Variants in MARK1 observed in about 807,000 individuals in gnomAD.
MARK1 encodes microtubule affinity regulating kinase 1.
In MARK1, 40 loss-of-function variants were observed where a neutral mutation model predicts 96.3. The ratio of observed to expected loss-of-function variants is 0.42; its 90% CI spans 0.32 to 0.54. MARK1 has a LOEUF of 0.54. Among genes scored for constraint, MARK1 ranks in the 20% least tolerant of loss-of-function variants. The probability of loss-of-function intolerance (pLI) is 0.16; values close to 1 mark genes in which losing one functional copy is unlikely to be tolerated. For missense variants in MARK1, 719 were observed against 984.6 expected (o/e 0.73, Z 3.61); for synonymous variants, 317 against 341.2 (o/e 0.93, Z 0.78).
chr1:220,627,126 C>T, intron 9 of MARK1: 1 of 506,112 alleles, frequency 2.0e-6, no homozygotes, highest in Non-Finnish European at 4.0e-6. Flanking sequence ...AATGCTGCCC[C>T]ACAAACCTGG....
chr1:220,647,795 A>G (rs545886234), intron 13 of MARK1, among the ~76,000 whole-genome samples: 34 of 152,380 alleles, frequency 2.2e-4, no homozygotes, highest in African/African-American at 7.7e-4. Flanking sequence ...ATGCAGGAAC[A>G]GAAAACCAAC....
At chr1:220,628,796 G>A (rs945559111) in intron 9 of MARK1, among the ~76,000 whole-genome samples, 1 of 151,800 alleles carries the variant, frequency 6.6e-6, no homozygotes, top group Non-Finnish European at 1.5e-5. Flanking sequence ...ATTTAAAAAT[G>A]TATCATGTGG....
At chr1:220,633,208 A>G (rs1278352523) in intron 11 of MARK1, among the ~76,000 whole-genome samples, 1 of 152,200 alleles carries the variant, frequency 6.6e-6, no homozygotes, top group Non-Finnish European at 1.5e-5. Flanking sequence ...GGCCCACTCC[A>G]ACATTGGAGG....
chr1:220,597,447 A>G (rs538225878), intron 3 of MARK1, among the ~76,000 whole-genome samples: 17 of 152,112 alleles, frequency 1.1e-4, no homozygotes, highest in Non-Finnish European at 1.6e-4. Context: ...GTGAGGTGGT[A>G]CCTCTTTGTG....
At chr1:220,622,059 G>T (rs1667079034) in intron 9 of MARK1, among the ~76,000 whole-genome samples, 1 of 152,030 alleles carries the variant, frequency 6.6e-6, no homozygotes, top group African/African-American at 2.4e-5. Context: ...CTTTCTAATT[G>T]TACTAGTCTG....
intron 6 of MARK1, among the ~76,000 whole-genome samples, chr1:220,610,378 G>C (rs578025171): frequency 1.3e-5 from 2 of 152,056 alleles, no homozygotes; most frequent in African/African-American, 4.8e-5. Context: ...CGAAGTTCTC[G>C]CACCATGGTT....
At chr1:220,585,307 G>A (rs1002426258) in intron 3 of MARK1, among the ~76,000 whole-genome samples, 4 of 152,076 alleles carry the variant, frequency 2.6e-5, no homozygotes, top group African/African-American at 9.7e-5. Flanking sequence ...AAGAATTGGT[G>A]GGAAGTATAC....
At chr1:220,587,641 A>G (rs1258262309) in intron 3 of MARK1, among the ~76,000 whole-genome samples, 1 of 152,120 alleles carries the variant, frequency 6.6e-6, no homozygotes, top group Non-Finnish European at 1.5e-5. Context: ...AAGTGCTGGG[A>G]TTACAGGCAT....
intron 3 of MARK1, among the ~76,000 whole-genome samples, chr1:220,589,342 C>T (rs1664839244): frequency 6.6e-6 from 1 of 151,994 alleles, no homozygotes; most frequent in African/African-American, 2.4e-5. Flanking sequence ...AGAGTGCTAG[C>T]AGAGGAATGG....
Position 220,661,851 on chromosome 1 carries a change from G to A in MARK1, c.2073G>A (p.Glu691=), listed in dbSNP as rs934046819. The stretch of plus-strand genomic sequence containing the variant: ...AACCAAAAGAAAGAGACAAGGAAGA[G>A]GGTAAAGATTCTAAGCCGCGTTCTT... ...SGEPKERDKE[E]GKDSKPRSLR... Residue 691 remains glutamate, a synonymous_variant, in exon 18 of 18, where the codon GAG becomes GAA. Transcript: ENST00000366917. The A allele has an allele frequency of 3.1e-6, 5 of 1,613,630 alleles. No individual in the cohort carries two copies. The highest frequency in any genetic ancestry group is 4.2e-6 in the Non-Finnish European group (5 of 1,179,672).
At chr1:220,636,901 T>TAA (rs78112733) in intron 13 of MARK1, among the ~76,000 whole-genome samples, 1 of 133,648 alleles carries the variant, frequency 7.5e-6, no homozygotes, top group South Asian at 2.4e-4. Flanking sequence ...AGACTCCGTT[T>TAA]AAAAAAAAAA....
intron 9 of MARK1, among the ~76,000 whole-genome samples, chr1:220,628,850 G>A (rs1292685869): frequency 1.3e-5 from 2 of 151,648 alleles, no homozygotes; most frequent in Non-Finnish European, 2.9e-5. Context: ...ACTTTGGGAA[G>A]CCGAGGCAAG....
intron 1 of MARK1, among the ~76,000 whole-genome samples, chr1:220,552,857 C>CCATGCCG (rs1316571110): frequency 1.3e-5 from 2 of 152,190 alleles, no homozygotes; most frequent in Non-Finnish European, 2.9e-5. Context: ...CCACTCCACC[C>CCATGCCG]CCTGCCGCCT....
chr1:220,604,272 G>A, intron 6 of MARK1, 135 bp downstream of exon 6: 1 of 484,570 alleles, frequency 2.1e-6, no homozygotes, highest in Non-Finnish European at 3.7e-6. Flanking sequence ...TTTAAGGATG[G>A]AAAACTCCTA....
At chr1:220,627,318 A>C (rs891539776) in intron 9 of MARK1, 2 of 503,596 alleles carry the variant, frequency 4.0e-6, no homozygotes, top group Non-Finnish European at 4.1e-6. Flanking sequence ...ACTTCAAAAA[A>C]GCCAAGAGAG....
intron 1 of MARK1, among the ~76,000 whole-genome samples, chr1:220,554,705 C>G (rs1662125636): frequency 6.6e-6 from 1 of 152,160 alleles, no homozygotes; most frequent in African/African-American, 2.4e-5. Flanking sequence ...TGATTTGATT[C>G]AGCAAGGAAA....
At chr1:220,583,043 C>T (rs1664345085) in intron 3 of MARK1, among the ~76,000 whole-genome samples, 1 of 152,112 alleles carries the variant, frequency 6.6e-6, no homozygotes. Flanking sequence ...TTGACCTTTC[C>T]CATTTAGGCA....
chr1:220,536,968 G>A (rs978882921), intron 1 of MARK1, among the ~76,000 whole-genome samples: 2 of 148,418 alleles, frequency 1.3e-5, no homozygotes, highest in Non-Finnish European at 2.9e-5. Context: ...AAGTCTCTAA[G>A]TGTATCTATT....
chr1:220,582,908 C>G (rs2786612), intron 3 of MARK1, among the ~76,000 whole-genome samples: 128,375 of 152,170 alleles, frequency 0.84, 57,476 homozygotes, highest in East Asian at 0.99. Flanking sequence ...AGCCAGTACA[C>G]TGTGTGTGTG....
Sources: gnomAD v4.1 joint callset for allele counts (sites outside exome capture counted in the v4.1 genomes callset) on GRCh38, gnomAD v4.1.1 for gene constraint, MANE v1.5 for transcripts, NCBI Gene and HGNC (gene_info 2026-07-23, HGNC 2026-07-21) for gene names.